Variants in CLIP2 observed in about 807,000 individuals in gnomAD.
CLIP2 encodes the protein CAP-Gly domain-containing linker protein 2.
A neutral mutation model predicts 111.7 loss-of-function variants in CLIP2; 41 were observed. The ratio of observed to expected loss-of-function variants is 0.37; its 90% CI spans 0.29 to 0.48. The LOEUF (loss-of-function observed/expected upper bound fraction) is 0.48. CLIP2 is among the 20% of genes least tolerant of loss of function. CLIP2 has a pLI of 0.99. For synonymous variants in CLIP2, 660 were observed against 644.2 expected, an observed-to-expected ratio of 1.02 and a Z score of -0.37; for missense variants, 1,160 against 1,422.1, an observed-to-expected ratio of 0.82 and a Z score of 2.96.
At chr7:74,370,813 G>A (rs1286882336) in intron 8 of CLIP2, among the ~76,000 whole-genome samples, 5 of 151,954 alleles carry the variant, frequency 3.3e-5, no homozygotes, top group African/African-American at 1.2e-4. Context: ...AGAACTCACT[G>A]TAAATTACAT....
At chr7:74,392,234 C>T (rs1045025934) in intron 13 of CLIP2, among the ~76,000 whole-genome samples, 1 of 151,938 alleles carries the variant, frequency 6.6e-6, no homozygotes, top group African/African-American at 2.4e-5. Context: ...ACCTGTAGTC[C>T]CAGCTACTGG....
intron 2 of CLIP2, among the ~76,000 whole-genome samples, chr7:74,326,764 G>A (rs1206627027): frequency 2.0e-5 from 3 of 147,254 alleles, no homozygotes; most frequent in Non-Finnish European, 4.5e-5. Flanking sequence ...AGCCTCCCAA[G>A]TAGCTGGGAT....
Position 74,380,847 on chromosome 7 carries a change from G to A in CLIP2, c.2463G>A (p.Thr821=), listed in dbSNP as rs201362892. 9.3e-6 allele frequency: 15 copies of A among 1,613,588 alleles called. No homozygotes were observed. The highest frequency in any genetic ancestry group is 1.7e-4 in the Middle Eastern group (1 of 6,060). Residue 821 remains threonine (T), a synonymous_variant, in exon 11 of 17, where the codon ACG becomes ACA. Coordinates refer to ENST00000223398, the MANE Select transcript of CLIP2 (RefSeq NM_003388.5). ...ACATTTCAGAGGAGACGATCAGGAC[G>A]AAGGAAACTGTGGAGGGTGAGTGGC... ...SNDISEETIR[T]KETVEGLQDK...
chr7:74,351,199 A>G (rs1341880170), intron 3 of CLIP2, among the ~76,000 whole-genome samples: 2 of 152,104 alleles, frequency 1.3e-5, no homozygotes, highest in East Asian at 3.9e-4. Flanking sequence ...GCTCACGCCT[A>G]TAATCTGAGG....
rs368201284 is a variant in CLIP2 at position 74,357,420 on chromosome 7, A to G, written c.1158A>G (p.Thr386=). Residue 386 remains threonine (T), a synonymous_variant, in exon 6 of 17, where the codon ACA becomes ACG. Transcript: ENST00000223398. The part of the protein sequence containing the change: ...DLERAEVAKA[T]SHICEVEKEI... ...AACGGGCTGAGGTGGCCAAGGCCAC[A>G]AGCCACATCTGCGAGGTGGAGAAGG... 6 of 1,614,100 alleles carry G rather than the reference A, an allele frequency of 3.7e-6. No individual in the cohort carries two copies. The highest frequency in any genetic ancestry group is 5.1e-6 in the Non-Finnish European group (6 of 1,179,996).
intron 15 of CLIP2, among the ~76,000 whole-genome samples, chr7:74,400,992 T>G (rs1414127344): frequency 6.7e-6 from 1 of 148,890 alleles, no homozygotes; most frequent in African/African-American, 2.5e-5. Flanking sequence ...AACCTTGATC[T>G]GAAGGGAGAG....
chr7:74,306,982 C>T (rs1480208513), intron 1 of CLIP2, among the ~76,000 whole-genome samples: 1 of 152,212 alleles, frequency 6.6e-6, no homozygotes, highest in African/African-American at 2.4e-5. Context: ...CATCAAGTCC[C>T]AGCGTTTTCC....
chr7:74,294,825 A>G (rs1788125040), intron 1 of CLIP2, among the ~76,000 whole-genome samples: 1 of 152,188 alleles, frequency 6.6e-6, no homozygotes, highest in Non-Finnish European at 1.5e-5. Flanking sequence ...AAGGCCAGAC[A>G]CTTTGATGCC....
At chr7:74,292,631 G>A (rs1247502338) in intron 1 of CLIP2, among the ~76,000 whole-genome samples, 1 of 151,824 alleles carries the variant, frequency 6.6e-6, no homozygotes, top group Non-Finnish European at 1.5e-5. Flanking sequence ...CAAGTGATCC[G>A]CCCACCTTGA....
chr7:74,294,564 A>C (rs1788118481), intron 1 of CLIP2, among the ~76,000 whole-genome samples: 1 of 152,006 alleles, frequency 6.6e-6, no homozygotes, highest in Non-Finnish European at 1.5e-5. Flanking sequence ...AGAGGGCGGA[A>C]TTTCCGGCTC....
Position 74,397,124 on chromosome 7 carries a change from C to G in CLIP2, c.2771C>G (p.Pro924Arg), listed in dbSNP as rs529001258. 1 of 1,613,878 alleles carries G rather than the reference C, an allele frequency of 6.2e-7. No homozygotes were observed. Among genetic ancestry groups the G allele is most frequent in the African/African-American group, 1.3e-5 (1 of 74,968 alleles). The change falls in exon 14 of 17, where the codon CCA becomes CGA. Residue 924 changes from proline to arginine, a missense_variant. Physicochemically the swap from Pro to Arg is moderately radical, Grantham distance 103. Around this residue, in one of 5 missense-constraint regions of CLIP2, gnomAD observed 676 missense variants for 777.8 expected, o/e 0.87. Transcript: ENST00000223398. ...VLLLEANRHS[P>R]GPERDLSREV... ...CTGCTGGAGGCCAATCGTCACTCCC[C>G]AGGGCCGGAGAGGGACCTGAGCCGT...
At chr7:74,345,855 CAA>C (rs1491367822) in intron 3 of CLIP2, among the ~76,000 whole-genome samples, 5 of 151,290 alleles carry the variant, frequency 3.3e-5, no homozygotes, top group African/African-American at 1.2e-4. Flanking sequence ...CTCAAGAAAG[CAA>C]GAGAGAGAGA....
chr7:74,404,331 T>C lies in CLIP2; in HGVS notation c.*483T>C. 1 of 161,664 alleles carries C rather than the reference T, an allele frequency of 6.2e-6. No individual in the cohort carries two copies. 10.0% of individuals were successfully genotyped at this position (161,664 alleles called of 1,614,324 possible). A position where few individuals can be genotyped will look rare whatever the true frequency, so the allele number is the denominator to read the frequency against. ...TCTTTAAGAGCCAAGTGGGGGCCCC[T>C]TTTCCGAAGCCACTTCCAGGCCAAG... On this transcript the variant is annotated 3_prime_UTR_variant, in exon 17 of 17. Coordinates refer to ENST00000223398, the MANE Select transcript of CLIP2 (RefSeq NM_003388.5).
intron 3 of CLIP2, among the ~76,000 whole-genome samples, chr7:74,340,385 G>A (rs957222894): frequency 3.9e-5 from 6 of 152,276 alleles, no homozygotes; most frequent in Non-Finnish European, 5.9e-5. Context: ...GACAGAGTGA[G>A]ACTCTGTCTC....
intron 2 of CLIP2, among the ~76,000 whole-genome samples, chr7:74,337,577 T>C (rs1462467206): frequency 6.9e-6 from 1 of 145,208 alleles, no homozygotes; most frequent in Non-Finnish European, 1.5e-5. Context: ...CCTTGAGAAG[T>C]GGAAAGCCAT....
At chr7:74,361,348 G>T (rs183643108) in intron 7 of CLIP2, among the ~76,000 whole-genome samples, 45 of 151,640 alleles carry the variant, frequency 3.0e-4, no homozygotes, top group African/African-American at 1.0e-3. Context: ...CTCCCGAGTA[G>T]CTGGGATTAC....
chr7:74,355,637 C>T (rs1790122677), intron 4 of CLIP2, among the ~76,000 whole-genome samples: 1 of 152,148 alleles, frequency 6.6e-6, no homozygotes. Context: ...TGGATGGGCC[C>T]AGTTCTCGTG....
intron 3 of CLIP2, 38 bp downstream of exon 3, chr7:74,339,042 C>T: frequency 6.4e-7 from 1 of 1,551,288 alleles, no homozygotes; most frequent in Non-Finnish European, 8.7e-7. Context: ...GCCCAGCTTC[C>T]CTTCCCTCCC....
intron 3 of CLIP2, among the ~76,000 whole-genome samples, chr7:74,340,116 C>G (rs537796831): frequency 1.3e-5 from 2 of 150,670 alleles, no homozygotes; most frequent in East Asian, 3.9e-4. Flanking sequence ...AATAATAAGG[C>G]CAAGCACGGT....
Sources: allele counts gnomAD v4.1 joint callset (sites outside exome capture counted in the v4.1 genomes callset), GRCh38; gene constraint gnomAD v4.1.1; regional missense constraint gnomAD v4.1.1; transcripts MANE v1.5; gene names NCBI Gene and HGNC (gene_info 2026-07-23, HGNC 2026-07-21).